Variants in GALNT9 observed in about 807,000 individuals in gnomAD.
The protein encoded by GALNT9 is polypeptide N-acetylgalactosaminyltransferase 9.
GALNT9 carries 47 observed loss-of-function variants against 63.1 expected under a neutral mutation model. The ratio of observed to expected loss-of-function variants is 0.75; its 90% CI spans 0.59 to 0.95. GALNT9 has a LOEUF of 0.95. GALNT9 is among the 40% of genes least tolerant of loss of function. The pLI is 0.00. For missense variants in GALNT9, 829 were observed against 874.8 expected, an observed-to-expected ratio of 0.95 and a Z score of 0.66; for synonymous variants, 396 against 365.7, an observed-to-expected ratio of 1.08 and a Z score of -0.94.
intron 6 of GALNT9, among the ~76,000 whole-genome samples, chr12:132,217,238 A>C (rs1474347770): frequency 6.6e-6 from 1 of 150,688 alleles, no homozygotes. Flanking sequence ...TCATCCATCC[A>C]TGCATCCCAC....
chr12:132,261,216 G>A (rs1879372121), intron 3 of GALNT9, 94 bp from the exon 4 acceptor site: 4 of 1,520,756 alleles, frequency 2.6e-6, no homozygotes, highest in Non-Finnish European at 3.5e-6. Flanking sequence ...CCGCGTGTGG[G>A]ATGGGTGTAT....
At position 132,217,608 on chromosome 12, in the gene GALNT9, C is replaced by T. The variant is rs572945122; in HGVS notation, c.1078-13918G>A. Among the ~76,000 whole-genome samples, 227 of 146,512 alleles carry T rather than the reference C, an allele frequency of 1.5e-3. 1 individual carries two copies. The highest frequency in any genetic ancestry group is 6.0e-3 in the Admixed American group (88 of 14,644). ...CCCACTCATCCATCCATCCATCCAT[C>T]CAGCCATCCATCCATCCATTCACCC... On this transcript the variant is annotated intron_variant, in intron 6 of 10. Coordinates refer to ENST00000328957, the MANE Select transcript of GALNT9 (RefSeq NM_001122636.2).
At chr12:132,229,499 G>A (rs1182198243) in intron 6 of GALNT9, among the ~76,000 whole-genome samples, 1 of 152,218 alleles carries the variant, frequency 6.6e-6, no homozygotes, top group Non-Finnish European at 1.5e-5. Context: ...ATTCACTAAT[G>A]CCCCAGACAC....
At chr12:132,207,629 G>A (rs1330813265) in intron 6 of GALNT9, among the ~76,000 whole-genome samples, 19 of 152,152 alleles carry the variant, frequency 1.2e-4, no homozygotes, top group South Asian at 1.2e-3. Context: ...CGGGAGAGGC[G>A]AGGCTCCCGG....
At chr12:132,207,132 A>G (rs74405504) in intron 6 of GALNT9, among the ~76,000 whole-genome samples, 8,347 of 152,240 alleles carry the variant, frequency 0.055, 793 homozygotes, top group African/African-American at 0.19. Context: ...CTCTCCCTCC[A>G]TCCTGTTTAG....
chr12:132,253,157 C>T (rs1389653733), intron 5 of GALNT9, among the ~76,000 whole-genome samples: 1 of 152,218 alleles, frequency 6.6e-6, no homozygotes, highest in African/African-American at 2.4e-5. Flanking sequence ...CTGCTATCTA[C>T]TACGAACTCC....
At chr12:132,323,519 C>A (rs1868895591) in intron 1 of GALNT9, among the ~76,000 whole-genome samples, 1 of 152,204 alleles carries the variant, frequency 6.6e-6, no homozygotes, top group African/African-American at 2.4e-5. Context: ...CAGATGGGGT[C>A]AAAATCCCCA....
chr12:132,262,069 C>T (rs1236798257), intron 3 of GALNT9, among the ~76,000 whole-genome samples: 1 of 152,232 alleles, frequency 6.6e-6, no homozygotes, highest in Non-Finnish European at 1.5e-5. Context: ...CTGACCCCAA[C>T]TTCATCTCCA....
intron 1 of GALNT9, among the ~76,000 whole-genome samples, chr12:132,313,432 CCCAT>C (rs1162230854): frequency 4.1e-5 from 6 of 146,366 alleles, no homozygotes; most frequent in East Asian, 2.2e-4. Flanking sequence ...TACCCACCTA[CCCAT>C]CCATCCATCC....
At chr12:132,317,374 C>G (rs150702129) in intron 1 of GALNT9, among the ~76,000 whole-genome samples, 1,720 of 152,328 alleles carry the variant, frequency 0.011, 13 homozygotes, top group Middle Eastern at 0.017. Context: ...CTCTCCTGCT[C>G]CTTCCACTCG....
chr12:132,268,765 C>T lies in GALNT9; in HGVS notation c.420-6140G>A, dbSNP rs543986496. Among the ~76,000 whole-genome samples, 84 of 152,364 alleles carry T rather than the reference C, an allele frequency of 5.5e-4. 1 individual carries two copies. The highest frequency in any genetic ancestry group is 1.9e-3 in the African/African-American group (79 of 41,592). ...CCACCGAAGACGCCCAAGCAGCCATCAAGCACGTGCGCAGGTGCCCCCCTC... is the reference window on the plus strand; with the variant it reads ...CCACCGAAGACGCCCAAGCAGCCATTAAGCACGTGCGCAGGTGCCCCCCTC... On this transcript the variant is annotated intron_variant, in intron 2 of 10. Coordinates refer to ENST00000328957, the MANE Select transcript of GALNT9 (RefSeq NM_001122636.2).
At chr12:132,303,507 G>A (rs374064410) in intron 1 of GALNT9, among the ~76,000 whole-genome samples, 71 of 20,868 alleles carry the variant, frequency 3.4e-3, no homozygotes, top group East Asian at 5.2e-3. Flanking sequence ...ACACACCCTC[G>A]CCTGGGCACA....
chr12:132,287,899 TG>T (rs1880666583), intron 1 of GALNT9, among the ~76,000 whole-genome samples: 1 of 152,118 alleles, frequency 6.6e-6, no homozygotes, highest in Non-Finnish European at 1.5e-5. Flanking sequence ...TGGGAGTCTC[TG>T]GGGCATCTTG....
At chr12:132,306,479 G>A (rs920562196) in intron 1 of GALNT9, among the ~76,000 whole-genome samples, 14 of 152,200 alleles carry the variant, frequency 9.2e-5, no homozygotes, top group Non-Finnish European at 2.1e-4. Context: ...CCAGGTGGGC[G>A]GGCAGAGCGG....
chr12:132,196,826 G>T lies in GALNT9; in HGVS notation c.*281C>A. ...GAGGCGGCGGCTGTCCCAGCAGCCT[G>T]GCCAGGAGATACCGTGGAGAAGGCA... is the stretch of plus-strand genomic sequence containing the variant. On this transcript the variant is annotated 3_prime_UTR_variant, in exon 11 of 11. Coordinates refer to ENST00000328957, the MANE Select transcript of GALNT9 (RefSeq NM_001122636.2). The T allele has an allele frequency of 1.6e-6, 2 of 1,234,384 alleles. No homozygotes were observed. Among genetic ancestry groups the T allele is most frequent in the Non-Finnish European group, 2.0e-6 (2 of 980,248 alleles). 76.5% of individuals were successfully genotyped at this position (1,234,384 alleles called of 1,614,324 possible).
At chr12:132,273,061 C>T (rs1027106837) in intron 2 of GALNT9, 2 of 152,320 alleles carry the variant, frequency 1.3e-5, no homozygotes, top group African/African-American at 4.8e-5. Flanking sequence ...TGTGTCTGTT[C>T]TATGAAATCA....
At chr12:132,299,955 A>T (rs1312028023) in intron 1 of GALNT9, among the ~76,000 whole-genome samples, 3 of 142,602 alleles carry the variant, frequency 2.1e-5, no homozygotes, top group African/African-American at 8.0e-5. Context: ...CTCCCATGAT[A>T]ACTAACCCAC....
In GALNT9 at chr12:132,316,191, G is replaced by A. The variant is rs1169498094; in HGVS notation, c.238+12775C>T. On this transcript the variant is annotated intron_variant, in intron 1 of 10. Transcript: ENST00000328957. The surrounding 1 kb of genome is among the most constrained non-coding windows in gnomAD (Gnocchi z 4.3). The stretch of plus-strand genomic sequence containing the variant: ...GACCCCAGCGTCCCAGTCCAGGCTC[G>A]GCTCTCCAGCAGAGGCATGAAGCTG... Among the ~76,000 whole-genome samples the A allele has an allele frequency of 1.3e-5, 2 of 152,070 alleles. No homozygotes were observed. Among genetic ancestry groups the A allele is most frequent in the Non-Finnish European group, 2.9e-5 (2 of 67,998 alleles).
At position 132,252,881 on chromosome 12, in the gene GALNT9, C is replaced by CAA. The variant is rs1197193292; in HGVS notation, c.959+4806_959+4807dup. Among the ~76,000 whole-genome samples the CAA allele has an allele frequency of 7.8e-6, 1 of 128,612 alleles. No individual in the cohort carries two copies. The highest frequency in any genetic ancestry group is 2.9e-5 in the African/African-American group (1 of 34,770). 84.4% of individuals were successfully genotyped at this position (128,612 alleles called of 152,430 possible). A position where few individuals can be genotyped will look rare whatever the true frequency, so the allele number is the denominator to read the frequency against. Reference sequence around the variant, plus strand: ...CTGGGCAACAACAGCGAAACTGCCTCAAAAAAAAAAAAAGACACGGAGACC... The same window carrying CAA: ...CTGGGCAACAACAGCGAAACTGCCTCAAAAAAAAAAAAAAAGACACGGAGACC... On this transcript the variant is annotated intron_variant, in intron 5 of 10. Coordinates refer to ENST00000328957, the MANE Select transcript of GALNT9 (RefSeq NM_001122636.2). The surrounding 1 kb of genome is among the most constrained non-coding windows in gnomAD (Gnocchi z 5.2).
Sources: allele counts gnomAD v4.1 joint callset (sites outside exome capture counted in the v4.1 genomes callset), GRCh38; gene constraint gnomAD v4.1.1; non-coding constraint Gnocchi (gnomAD v3.1); transcripts MANE v1.5; gene names NCBI Gene and HGNC (gene_info 2026-07-23, HGNC 2026-07-21).